Variants in BDP1 observed in about 807,000 individuals in gnomAD.
BDP1 encodes transcription factor TFIIIB component B'' homolog.
In BDP1, 169 loss-of-function variants were observed where a neutral mutation model predicts 266.6. The ratio of observed to expected loss-of-function variants is 0.63; its 90% CI spans 0.56 to 0.72. The LOEUF (loss-of-function observed/expected upper bound fraction) is 0.72, where lower values mean the gene tolerates loss of function less well. BDP1 is among the 30% of genes least tolerant of loss of function. The pLI, the probability that BDP1 is intolerant of heterozygous loss-of-function variation, is 0.00. For missense variants in BDP1, 3,015 were observed against 3,053.8 expected, an observed-to-expected ratio of 0.99 and a Z score of 0.30; for synonymous variants, 1,090 against 1,022.4, an observed-to-expected ratio of 1.07 and a Z score of -1.26.
chr5:71,553,017 T>A (rs1243815232), intron 34 of BDP1, 99 bp from the exon 35 acceptor site: 6 of 1,036,100 alleles, frequency 5.8e-6, no homozygotes, highest in Non-Finnish European at 8.3e-6. Context: ...ACCTCAGCCT[T>A]TAACTTTATT....
intron 37 of BDP1, 137 bp from the exon 38 acceptor site, chr5:71,562,137 G>C (rs1743700678): frequency 1.5e-6 from 1 of 674,630 alleles, no homozygotes; most frequent in Non-Finnish European, 2.3e-6. Context: ...GGTGGAGGTT[G>C]CAGTGAGCCG....
At chr5:71,472,791 TA>T (rs1320203749) in intron 7 of BDP1, among the ~76,000 whole-genome samples, 2 of 152,086 alleles carry the variant, frequency 1.3e-5, no homozygotes, top group African/African-American at 4.8e-5. Flanking sequence ...TGATAGAATT[TA>T]CCTGTGAAAC....
chr5:71,491,999 A>C (rs954008819), intron 11 of BDP1, among the ~76,000 whole-genome samples: 2 of 152,238 alleles, frequency 1.3e-5, no homozygotes, highest in Non-Finnish European at 2.9e-5. Flanking sequence ...TACAGGTGTG[A>C]GTCACAGCGC....
Position 71,458,701 on chromosome 5 carries a change from C to T in BDP1, c.335C>T (p.Pro112Leu). Reference sequence around the variant, plus strand: ...CTGGTTAAGTCTAGTGTCAGTGTTCCTTCAGAATCTCATCCCTTATCTACA... The same window carrying T: ...CTGGTTAAGTCTAGTGTCAGTGTTCTTTCAGAATCTCATCCCTTATCTACA... ...SSLVKSSVSV[P>L]SESHPLSTIN... The change falls in exon 2 of 39, where the codon CCT becomes CTT. Residue 112 changes from proline to leucine, a missense_variant. Physicochemically the swap from Pro to Leu is moderately conservative, Grantham distance 98. Transcript: ENST00000358731. The T allele has an allele frequency of 6.2e-7, 1 of 1,614,146 alleles. No individual in the cohort carries two copies. The highest frequency in any genetic ancestry group is 8.5e-7 in the Non-Finnish European group (1 of 1,180,012).
rs1303076475 is a variant in BDP1 at position 71,491,033 on chromosome 5, G to A, written c.1542G>A (p.Lys514=). Reference sequence around the variant, plus strand: ...AGCTAAAGGAAGGTGAATGCAGTAAGGAGCAGATGCTTTCCTGCACACAAA... The same window carrying A: ...AGCTAAAGGAAGGTGAATGCAGTAAAGAGCAGATGCTTTCCTGCACACAAA... The part of the protein sequence containing the change: ...RPELKEGECS[K]EQMLSCTQNI... The change falls in exon 11 of 39, where the codon AAG becomes AAA. Residue 514 remains lysine, a synonymous_variant. Transcript: ENST00000358731. 1 of 1,613,820 alleles carries A rather than the reference G, an allele frequency of 6.2e-7. No individual in the cohort carries two copies. The highest frequency in any genetic ancestry group is 1.1e-5 in the South Asian group (1 of 91,016).
the BDP1 span, among the ~76,000 whole-genome samples, chr5:71,576,578 C>G: frequency 7.9e-5 from 12 of 152,216 alleles, no homozygotes; most frequent in African/African-American, 2.4e-4. Flanking sequence ...TTCCTACCCC[C>G]CTCCATAGAC....
intron 31 of BDP1, 136 bp from the exon 32 acceptor site, chr5:71,544,903 A>AAAAAG: frequency 1.4e-6 from 1 of 716,142 alleles, no homozygotes; most frequent in Admixed American, 3.1e-5. Flanking sequence ...AAAAAAAAAA[A>AAAAAG]AAAGTCCTAT....
intron 23 of BDP1, 48 bp from the exon 24 acceptor site, chr5:71,522,708 A>C: frequency 2.0e-6 from 3 of 1,512,868 alleles, no homozygotes; most frequent in African/African-American, 1.4e-5. Flanking sequence ...AAATTAACAT[A>C]GAGATTGTTT....
chr5:71,536,664 AAT>A (rs1234776539), intron 26 of BDP1, among the ~76,000 whole-genome samples: 2 of 152,028 alleles, frequency 1.3e-5, no homozygotes, highest in Non-Finnish European at 2.9e-5. Context: ...TGTCTCTACA[AAT>A]ATGTTTTTTA....
At chr5:71,513,118 G>T in intron 18 of BDP1, 67 bp from the exon 19 acceptor site, 97 of 844,764 alleles carry the variant, frequency 1.1e-4, no homozygotes, top group Non-Finnish European at 1.8e-4. Flanking sequence ...CTCTAAGGTT[G>T]TACTGAGACT....
intron 16 of BDP1, among the ~76,000 whole-genome samples, chr5:71,505,470 G>T (rs1275168331): frequency 1.3e-5 from 2 of 152,048 alleles, no homozygotes; most frequent in African/African-American, 4.8e-5. Context: ...AACCCATACT[G>T]CTTATAGTCA....
In BDP1 at chr5:71,509,445, GC is replaced by G. The variant is rs36098798; in HGVS notation, c.2373-15del. 0.39 allele frequency: 560,952 copies of G among 1,449,984 alleles called. 64,588 individuals carry two copies. The highest frequency in any genetic ancestry group is 0.42 in the South Asian group (28,340 of 68,168). 89.8% of individuals were successfully genotyped at this position (1,449,984 alleles called of 1,614,324 possible). A position where few individuals can be genotyped will look rare whatever the true frequency, so the allele number is the denominator to read the frequency against. On this transcript the variant is annotated intron_variant, in intron 16 of 38. Coordinates refer to ENST00000358731, the MANE Select transcript of BDP1 (RefSeq NM_018429.3). ...AGTCTGGTTTAAAACTTGATTGTGT[GC>G]CCCCTTTTTTTTTTATAGCGTTCAA...
At chr5:71,553,470 G>T (rs750514721) in intron 35 of BDP1, 150 bp downstream of exon 35, 14 of 574,170 alleles carry the variant, frequency 2.4e-5, no homozygotes, top group Admixed American at 3.4e-5. Context: ...AGTTATTCAA[G>T]TAAAACTGGT....
intron 7 of BDP1, among the ~76,000 whole-genome samples, chr5:71,481,391 G>GAAAAAAAAAAAAAAAAAA (rs58798987): frequency 1.3e-4 from 8 of 63,860 alleles, no homozygotes; most frequent in Non-Finnish European, 1.6e-4. Flanking sequence ...TCTCTACAAA[G>GAAAAAAAAAAAAAAAAAA]AAAAAAAAAA....
chr5:71,502,689 A>C lies in BDP1; in HGVS notation c.2139A>C (p.Pro713=). The C allele has an allele frequency of 6.2e-7, 1 of 1,614,122 alleles. No individual in the cohort carries two copies. The highest frequency in any genetic ancestry group is 2.2e-5 in the East Asian group (1 of 44,862). Residue 713 remains proline, a synonymous_variant, in exon 15 of 39, where the codon CCA becomes CCC. Coordinates refer to ENST00000358731, the MANE Select transcript of BDP1 (RefSeq NM_018429.3). ...GGGGCCGATTGCAAAAGCCAAAGCC[A>C]AATGCAGGTAAAGCTGCTGAAAGAA... is the stretch of plus-strand genomic sequence containing the variant. The part of the protein sequence containing the change: ...QVRGRLQKPK[P]NAGKAAERKE...
chr5:71,553,065 G>T, intron 34 of BDP1, 51 bp from the exon 35 acceptor site: 1 of 1,380,246 alleles, frequency 7.2e-7, no homozygotes, highest in Non-Finnish European at 1.0e-6. Flanking sequence ...AAAAAAAAGT[G>T]TTAAATAACT....
In BDP1 at chr5:71,556,874, T is replaced by C; in HGVS notation, c.7201-12T>C. 7.5e-7 allele frequency: 1 copy of C among 1,338,182 alleles called. No individual in the cohort carries two copies. The highest frequency in any genetic ancestry group is 1.0e-6 in the Non-Finnish European group (1 of 988,808). 82.9% of individuals were successfully genotyped at this position (1,338,182 alleles called of 1,614,324 possible). The stretch of plus-strand genomic sequence containing the variant: ...AAATTTCTAAATTTTTTTTTAAATT[T>C]TCTTAAAATAGGTGCACTCAAAGGA... On this transcript the variant is annotated splice_polypyrimidine_tract_variant and intron_variant, in intron 35 of 38. Coordinates refer to ENST00000358731, the MANE Select transcript of BDP1 (RefSeq NM_018429.3).
At chr5:71,477,193 T>G (rs1156833144) in intron 7 of BDP1, among the ~76,000 whole-genome samples, 2 of 151,990 alleles carry the variant, frequency 1.3e-5, no homozygotes, top group Non-Finnish European at 2.9e-5. Flanking sequence ...ACAGGGTCTT[T>G]GTTGCTCGGG....
intron 1 of BDP1, among the ~76,000 whole-genome samples, chr5:71,458,310 G>T (rs1277677452): frequency 6.6e-6 from 1 of 151,382 alleles, no homozygotes; most frequent in Non-Finnish European, 1.5e-5. Flanking sequence ...TTGTTTTGAG[G>T]GGGGTAAGCC....
Sources: allele counts gnomAD v4.1 joint callset (sites outside exome capture counted in the v4.1 genomes callset), GRCh38; gene constraint gnomAD v4.1.1; transcripts MANE v1.5; gene names NCBI Gene and HGNC (gene_info 2026-07-23, HGNC 2026-07-21).